ITGA8: variants seen among roughly 807,000 people sequenced by gnomAD.
ITGA8 encodes integrin subunit alpha 8.
ITGA8 carries 91 observed loss-of-function variants against 142.3 expected under a neutral mutation model. The observed-to-expected ratio is 0.64, with a 90% CI of 0.54 to 0.76. ITGA8 has a LOEUF of 0.76. Among genes scored for constraint, ITGA8 ranks in the 30% least tolerant of loss-of-function variants. ITGA8 has a pLI of 0.00. For missense variants in ITGA8, 1,406 were observed against 1,327.7 expected (o/e 1.06, Z -0.92); for synonymous variants, 505 against 485.2 (o/e 1.04, Z -0.54).
chr10:15,531,783 A>T (rs7072280), intron 27 of ITGA8, among the ~76,000 whole-genome samples: 9 of 100,618 alleles, frequency 8.9e-5, no homozygotes, highest in Admixed American at 2.3e-4. Flanking sequence ...ACTAAAAACC[A>T]GAAAAAAAAA....
At chr10:15,678,035 A>G (rs1834664473) in intron 5 of ITGA8, among the ~76,000 whole-genome samples, 2 of 152,090 alleles carry the variant, frequency 1.3e-5, no homozygotes, top group African/African-American at 4.8e-5. Context: ...AGTAATGCCT[A>G]TTTTTTTCCA....
intron 8 of ITGA8, among the ~76,000 whole-genome samples, chr10:15,670,224 A>C (rs1834485633): frequency 1.3e-5 from 2 of 152,368 alleles, no homozygotes; most frequent in Non-Finnish European, 2.9e-5. Flanking sequence ...AAAATGGTAA[A>C]TACTGATTGA....
intron 13 of ITGA8, among the ~76,000 whole-genome samples, chr10:15,628,093 A>T (rs1833617331): frequency 6.6e-6 from 1 of 151,944 alleles, no homozygotes; most frequent in Non-Finnish European, 1.5e-5. Context: ...AAATTACCCT[A>T]TATGGTCTAC....
chr10:15,606,528 A>G (rs1290355927), intron 17 of ITGA8, 106 bp from the exon 18 acceptor site: 5 of 1,100,606 alleles, frequency 4.5e-6, no homozygotes, highest in Middle Eastern at 6.2e-4. Context: ...AAAGTGAATG[A>G]TGAAACAATT....
In ITGA8 at chr10:15,684,034, C is replaced by T. The variant is rs755500317; in HGVS notation, c.538G>A (p.Ala180Thr). ...CGGCAAGGAGAGAACTCGGCATAGGCGCTGAAGTTCTGAATTGCTACATAG... is the reference window on the plus strand; with the variant it reads ...CGGCAAGGAGAGAACTCGGCATAGGTGCTGAAGTTCTGAATTGCTACATAG... ...TCYVAIQNFS[A>T]YAEFSPCRNS... Residue 180 changes from alanine to threonine, a missense_variant, in exon 4 of 30, where the codon GCC becomes ACC. Coordinates refer to ENST00000378076, the MANE Select transcript of ITGA8 (RefSeq NM_003638.3). The T allele has an allele frequency of 1.1e-5, 17 of 1,614,014 alleles. No individual in the cohort carries two copies. Among genetic ancestry groups the T allele is most frequent in the Middle Eastern group, 1.6e-4 (1 of 6,084 alleles).
intron 2 of ITGA8, among the ~76,000 whole-genome samples, chr10:15,697,181 T>A (rs1835069746): frequency 6.6e-6 from 1 of 152,150 alleles, no homozygotes; most frequent in African/African-American, 2.4e-5. Flanking sequence ...TAGACTAAGA[T>A]TCAACTGTTA....
chr10:15,606,045 G>A (rs970382459), intron 18 of ITGA8, among the ~76,000 whole-genome samples: 1 of 152,166 alleles, frequency 6.6e-6, no homozygotes, highest in African/African-American at 2.4e-5. Flanking sequence ...ATTACAGGCT[G>A]TATTGCTTCC....
At chr10:15,598,775 T>C (rs986792328) in intron 20 of ITGA8, among the ~76,000 whole-genome samples, 2 of 152,236 alleles carry the variant, frequency 1.3e-5, no homozygotes, top group African/African-American at 4.8e-5. Flanking sequence ...GAGAAAGGAA[T>C]GGATCACTAA....
chr10:15,564,404 T>TA (rs1382864281), intron 25 of ITGA8, among the ~76,000 whole-genome samples: 2 of 152,222 alleles, frequency 1.3e-5, no homozygotes, highest in Admixed American at 6.5e-5. Context: ...GCTGGCCTCT[T>TA]AGCATCCATG....
intron 6 of ITGA8, among the ~76,000 whole-genome samples, chr10:15,673,913 A>G (rs879778460): frequency 6.6e-6 from 1 of 152,178 alleles, no homozygotes; most frequent in Non-Finnish European, 1.5e-5. Flanking sequence ...TTCCGCTGCA[A>G]TTTCTATGCA....
intron 26 of ITGA8, among the ~76,000 whole-genome samples, chr10:15,549,199 C>CTTTTTTTTTTTTTTTTTTTTTT (rs1564346419): frequency 4.1e-5 from 2 of 48,846 alleles, no homozygotes; most frequent in Non-Finnish European, 7.4e-5. Flanking sequence ...CTTTTCTTTT[C>CTTTTTTTTTTTTTTTTTTTTTT]TGTTTTTTTT....
intron 2 of ITGA8, among the ~76,000 whole-genome samples, chr10:15,697,428 C>T (rs1835077823): frequency 6.6e-6 from 1 of 152,182 alleles, no homozygotes; most frequent in Non-Finnish European, 1.5e-5. Context: ...CCTCTTCCCT[C>T]CTCCCCGTCC....
At position 15,558,147 on chromosome 10, in the gene ITGA8, G is replaced by A. The variant is rs1833916711; in HGVS notation, c.2693C>T (p.Thr898Ile). Residue 898 changes from threonine to isoleucine, a missense_variant, in exon 26 of 30, where the codon ACT becomes ATT. Coordinates refer to ENST00000378076, the MANE Select transcript of ITGA8 (RefSeq NM_003638.3). Reference sequence around the variant, plus strand: ...CCTCTTCCTGACAAGATGAGGAATAGTAGAGTTTCGCAAAAAGGCGCTGAG... The same window carrying A: ...CCTCTTCCTGACAAGATGAGGAATAATAGAGTTTCGCAAAAAGGCGCTGAG... The part of the protein sequence containing the change: ...PELSAFLRNS[T>I]IPHLVRKRDV... The A allele has an allele frequency of 6.2e-7, 1 of 1,614,134 alleles. No homozygotes were observed. The highest frequency in any genetic ancestry group is 1.3e-5 in the African/African-American group (1 of 74,938).
rs761449637 is a variant in ITGA8, at chr10:15,688,031, T to C, written c.351A>G (p.Arg117=). ...RQIPFDTTNN[R]KIRVNGTKEP... is the part of the protein sequence containing the mutation. ...CTTTGGTTCCATTAACTCTGATCTT[T>C]CTGTTGTCTGTCAAAGAAGATAGGA... Residue 117 remains arginine, a synonymous_variant, in exon 3 of 30, where the codon AGA becomes AGG. Coordinates refer to ENST00000378076, the MANE Select transcript of ITGA8 (RefSeq NM_003638.3). 1.2e-6 allele frequency: 2 copies of C among 1,604,610 alleles called. No individual in the cohort carries two copies. Among genetic ancestry groups the C allele is most frequent in the Non-Finnish European group, 1.7e-6 (2 of 1,171,358 alleles).
At chr10:15,654,072 G>A (rs1283447996) in intron 11 of ITGA8, among the ~76,000 whole-genome samples, 2 of 152,068 alleles carry the variant, frequency 1.3e-5, no homozygotes, top group Non-Finnish European at 2.9e-5. Context: ...CTGACCTCAG[G>A]TGATCCACCC....
chr10:15,637,154 T>C (rs1833785721), intron 13 of ITGA8, among the ~76,000 whole-genome samples: 1 of 152,166 alleles, frequency 6.6e-6, no homozygotes, highest in African/African-American at 2.4e-5. Context: ...CTAAATCAGA[T>C]TTTAAACAGA....
intron 1 of ITGA8, among the ~76,000 whole-genome samples, chr10:15,719,342 G>C (rs1835513876): frequency 6.6e-6 from 1 of 152,212 alleles, no homozygotes; most frequent in South Asian, 2.1e-4. Context: ...CCCAGGACTT[G>C]CGTGTTCTAT....
Position 15,514,808 on chromosome 10 carries a change from G to A in ITGA8, c.*2350C>T, listed in dbSNP as rs146576649. The A allele has an allele frequency of 6.6e-6, 1 of 152,474 alleles. No individual in the cohort carries two copies. Among genetic ancestry groups the A allele is most frequent in the East Asian group, 1.9e-4 (1 of 5,184 alleles). The allele number at this position is 152,474 out of a possible 1,614,324, so 9.4% of individuals were successfully genotyped here. On this transcript the variant is annotated 3_prime_UTR_variant, in exon 30 of 30. Coordinates refer to ENST00000378076, the MANE Select transcript of ITGA8 (RefSeq NM_003638.3). ...AGCAGTGCCTGTGGGCAGGTGGAAG[G>A]TGCCCGTCCCTCTAGGAAAGGGCCA...
chr10:15,697,846 A>G (rs1835085978), intron 2 of ITGA8, among the ~76,000 whole-genome samples: 1 of 152,218 alleles, frequency 6.6e-6, no homozygotes, highest in Non-Finnish European at 1.5e-5. Flanking sequence ...CCGACAGTTG[A>G]TAGAGTAGTC....
Sources: allele counts gnomAD v4.1 joint callset (sites outside exome capture counted in the v4.1 genomes callset), GRCh38; gene constraint gnomAD v4.1.1; transcripts MANE v1.5; gene names NCBI Gene and HGNC (gene_info 2026-07-23, HGNC 2026-07-21).